Variants in ERC1 observed in about 807,000 individuals in gnomAD.
ERC1 encodes the protein ELKS/RAB6-interacting/CAST family member 1, also known as RAB6 interacting protein 2.
Under a neutral mutation model 132.0 loss-of-function variants are expected in ERC1, and 56 were observed. The observed-to-expected ratio is 0.42, with a 90% CI of 0.34 to 0.53. ERC1 has a LOEUF of 0.53. Among genes scored for constraint, ERC1 ranks in the 20% least tolerant of loss-of-function variants. The probability of loss-of-function intolerance (pLI) is 0.03; values close to 1 mark genes in which losing one functional copy is unlikely to be tolerated. For missense variants in ERC1, 1,202 were observed against 1,349.9 expected (o/e 0.89, Z 1.72); for synonymous variants, 478 against 476.1 (o/e 1.00, Z -0.05).
At chr12:1,139,898 A>G (rs1246383653) in intron 7 of ERC1, among the ~76,000 whole-genome samples, 1 of 152,138 alleles carries the variant, frequency 6.6e-6, no homozygotes, top group Non-Finnish European at 1.5e-5. Context: ...GTGATTCAGA[A>G]AAAAAAATTT....
intron 8 of ERC1, among the ~76,000 whole-genome samples, chr12:1,144,270 A>G (rs1000410411): frequency 6.6e-6 from 1 of 152,126 alleles, no homozygotes. Context: ...TTTTTGTTTC[A>G]GTAGTTTTTG....
At position 1,061,810 on chromosome 12, in the gene ERC1, A is replaced by T. The variant is rs564520935; in HGVS notation, c.670-21354A>T. Among the ~76,000 whole-genome samples the T allele has an allele frequency of 1.1e-4, 16 of 149,624 alleles. No homozygotes were observed. In the East Asian group the frequency reaches 3.0e-3, roughly 28 times the overall value. Reference sequence around the variant, plus strand: ...GCTCTGGTCTTTATTTCTTACACTAATTTTGAGTTTGGTTTGTTCTTGCCT... The same window carrying T: ...GCTCTGGTCTTTATTTCTTACACTATTTTTGAGTTTGGTTTGTTCTTGCCT... On this transcript the variant is annotated intron_variant, in intron 2 of 18. Coordinates refer to ENST00000360905, the MANE Select transcript of ERC1 (RefSeq NM_178040.4).
At chr12:1,112,616 G>A (rs1198942396) in intron 6 of ERC1, among the ~76,000 whole-genome samples, 1 of 152,130 alleles carries the variant, frequency 6.6e-6, no homozygotes, top group Non-Finnish European at 1.5e-5. Context: ...TATATGAATG[G>A]CGGCCTTCTT....
chr12:1,146,352 G>A (rs568046344), intron 8 of ERC1, among the ~76,000 whole-genome samples: 61 of 109,036 alleles, frequency 5.6e-4, no homozygotes, highest in Non-Finnish European at 1.0e-3. Context: ...TGTAAAAGGG[G>A]TTGAGTTCTT....
intron 13 of ERC1, among the ~76,000 whole-genome samples, chr12:1,261,643 G>A (rs1035858904): frequency 5.3e-5 from 8 of 152,092 alleles, no homozygotes; most frequent in African/African-American, 1.7e-4. Flanking sequence ...GGAAGGAAGA[G>A]CTCAACAAAC....
intron 16 of ERC1, chr12:1,380,431 G>A (rs1338116403): frequency 6.6e-6 from 1 of 152,266 alleles, no homozygotes; most frequent in Non-Finnish European, 1.5e-5. Flanking sequence ...TCTCAGATAA[G>A]CACAAGGCAA....
At chr12:1,031,020 A>C (rs7298156) in intron 2 of ERC1, among the ~76,000 whole-genome samples, 14,102 of 152,140 alleles carry the variant, frequency 0.093, 1,003 homozygotes, top group African/African-American at 0.2. Flanking sequence ...CTGTAAATCT[A>C]ATTTAAGATT....
At chr12:1,328,985 TAAAAAAA>T (rs113967541) in intron 15 of ERC1, among the ~76,000 whole-genome samples, 1 of 86,766 alleles carries the variant, frequency 1.2e-5, no homozygotes, top group Non-Finnish European at 2.6e-5. Flanking sequence ...TAAAAGTTAC[TAAAAAAA>T]AAAAAAAAAA....
At chr12:1,143,368 GT>G (rs1566072464) in intron 8 of ERC1, among the ~76,000 whole-genome samples, 2 of 140,752 alleles carry the variant, frequency 1.4e-5, no homozygotes, top group African/African-American at 6.3e-5. Flanking sequence ...GTGTGTGTGT[GT>G]GTGTGTGTGT....
chr12:1,304,428 TGAG>T (rs1012065623), intron 15 of ERC1, among the ~76,000 whole-genome samples: 1 of 152,190 alleles, frequency 6.6e-6, no homozygotes, highest in African/African-American at 2.4e-5. Flanking sequence ...GCCAAGTCAT[TGAG>T]GAGGGAAAGT....
rs535779400 is a variant in ERC1, at chr12:1,075,734, G to GA, written c.670-7421dup. Among the ~76,000 whole-genome samples the GA allele has an allele frequency of 6.8e-4, 101 of 149,144 alleles. No individual in the cohort carries two copies. In the South Asian group the frequency reaches 9.0e-3, roughly 13 times the overall value. On this transcript the variant is annotated intron_variant, in intron 2 of 18. Transcript: ENST00000360905. ...AGAGCAAGACTGTCTCGGGGGAAAA[G>GA]AAAAAAAAAGAAAATCACAAGGAAG... is the stretch of plus-strand genomic sequence containing the variant.
chr12:1,419,752 A>G (rs1343648689), intron 17 of ERC1, among the ~76,000 whole-genome samples: 2 of 151,428 alleles, frequency 1.3e-5, no homozygotes, highest in African/African-American at 4.9e-5. Flanking sequence ...AGTATTTAGC[A>G]CTCCTAAACT....
intron 8 of ERC1, among the ~76,000 whole-genome samples, chr12:1,160,899 A>G (rs1235190030): frequency 6.6e-6 from 1 of 152,102 alleles, no homozygotes; most frequent in Non-Finnish European, 1.5e-5. Context: ...CCCAGCCTGA[A>G]ATTCCTTCTA....
At chr12:1,402,621 A>ACACACACACACACAC (rs1373176387) in intron 16 of ERC1, among the ~76,000 whole-genome samples, 2 of 145,250 alleles carry the variant, frequency 1.4e-5, no homozygotes, top group African/African-American at 5.0e-5. Context: ...CCCAACACAC[A>ACACACACACACACAC]CACACACACA....
At chr12:1,341,083 T>C (rs1259818637) in intron 15 of ERC1, among the ~76,000 whole-genome samples, 11 of 18,444 alleles carry the variant, frequency 6.0e-4, no homozygotes, top group Non-Finnish European at 7.8e-4. Flanking sequence ...TTTTTTTTTT[T>C]TTTTTTTTTT....
chr12:1,449,457 C>T (rs1046985240), intron 18 of ERC1, among the ~76,000 whole-genome samples: 3 of 152,064 alleles, frequency 2.0e-5, no homozygotes, highest in Admixed American at 6.5e-5. Context: ...GAGGTTGTTA[C>T]CCACCATGCT....
chr12:1,251,778 T>G (rs985913420), intron 13 of ERC1, among the ~76,000 whole-genome samples: 1 of 152,156 alleles, frequency 6.6e-6, no homozygotes, highest in African/African-American at 2.4e-5. Flanking sequence ...AGCAGTGAAA[T>G]TTATTGAAAG....
intron 2 of ERC1, among the ~76,000 whole-genome samples, chr12:1,080,083 C>T (rs753240576): frequency 2.0e-5 from 3 of 152,154 alleles, no homozygotes; most frequent in East Asian, 3.8e-4. Context: ...CTAAAATATC[C>T]GTAAGTGGAA....
chr12:1,027,696 GA>G (rs1208554942), intron 1 of ERC1, 51 bp from the exon 2 acceptor site: 10 of 551,384 alleles, frequency 1.8e-5, no homozygotes, highest in Non-Finnish European at 3.2e-5. Context: ...AAGTCTCTGA[GA>G]AGGGAAATAT....
Sources: allele counts gnomAD v4.1 joint callset (sites outside exome capture counted in the v4.1 genomes callset), GRCh38; gene constraint gnomAD v4.1.1; transcripts MANE v1.5; gene names NCBI Gene and HGNC (gene_info 2026-07-23, HGNC 2026-07-21).